The following GRID2 variants were observed in gnomAD, a reference collection of about 807,000 sequenced individuals.
The protein encoded by GRID2 is glutamate receptor ionotropic, delta-2.
GRID2 carries 33 observed loss-of-function variants against 114.8 expected under a neutral mutation model. The observed-to-expected ratio is 0.29, with a 90% CI of 0.22 to 0.38. GRID2 has a LOEUF of 0.38. Ranked by LOEUF, GRID2 falls within the 10% of genes least tolerant of loss-of-function variation. The pLI is 1.00. For missense variants in GRID2, 1,184 were observed against 1,257.7 expected, an observed-to-expected ratio of 0.94 and a Z score of 0.89; for synonymous variants, 505 against 449.9, an observed-to-expected ratio of 1.12 and a Z score of -1.55.
intron 2 of GRID2, among the ~76,000 whole-genome samples, chr4:92,723,051 T>C (rs1735886565): frequency 6.6e-6 from 1 of 151,978 alleles, no homozygotes; most frequent in Admixed American, 6.6e-5. Flanking sequence ...TCTGCATGTG[T>C]ACTTTTTTTT....
chr4:92,934,651 C>T (rs1383367139), intron 2 of GRID2, among the ~76,000 whole-genome samples: 2 of 146,518 alleles, frequency 1.4e-5, no homozygotes, highest in African/African-American at 4.9e-5. Context: ...TACAAGGCTA[C>T]AGTAACCAAA....
At chr4:92,556,420 G>C (rs1726852178) in intron 1 of GRID2, among the ~76,000 whole-genome samples, 1 of 151,942 alleles carries the variant, frequency 6.6e-6, no homozygotes, top group Non-Finnish European at 1.5e-5. Context: ...TTTTTTATTT[G>C]AGATGAAAGG....
intron 2 of GRID2, among the ~76,000 whole-genome samples, chr4:92,717,300 G>T (rs1418545613): frequency 6.6e-6 from 1 of 152,078 alleles, no homozygotes; most frequent in Admixed American, 6.6e-5. Context: ...GCTCCCAAGG[G>T]CCACTTGTAT....
chr4:93,273,996 G>A (rs912527283), intron 8 of GRID2, among the ~76,000 whole-genome samples: 13 of 152,034 alleles, frequency 8.6e-5, no homozygotes, highest in African/African-American at 2.9e-4. Context: ...AGAATCTGCC[G>A]ATATTATAAT....
chr4:92,933,808 T>C (rs184448205), intron 2 of GRID2, among the ~76,000 whole-genome samples: 3 of 151,704 alleles, frequency 2.0e-5, no homozygotes, highest in Non-Finnish European at 3.0e-5. Context: ...TTCTAATTAT[T>C]TTATCTTTGA....
chr4:92,927,456 A>C (rs1385605957), intron 2 of GRID2, among the ~76,000 whole-genome samples: 1 of 151,846 alleles, frequency 6.6e-6, no homozygotes, highest in South Asian at 2.1e-4. Context: ...CAATTCCCAC[A>C]GGGTAGCACA....
chr4:92,544,539 T>C (rs1022236672), intron 1 of GRID2, among the ~76,000 whole-genome samples: 1 of 152,138 alleles, frequency 6.6e-6, no homozygotes, highest in Non-Finnish European at 1.5e-5. Context: ...TCAATGCTTT[T>C]AATTGATTTT....
At chr4:92,534,592 A>G (rs1260755519) in intron 1 of GRID2, among the ~76,000 whole-genome samples, 2 of 152,122 alleles carry the variant, frequency 1.3e-5, no homozygotes, top group Admixed American at 6.6e-5. Flanking sequence ...AAGTGTTACT[A>G]TGTTCTCTAA....
At chr4:92,789,618 T>A (rs1391028437) in intron 2 of GRID2, among the ~76,000 whole-genome samples, 1 of 151,946 alleles carries the variant, frequency 6.6e-6, no homozygotes, top group African/African-American at 2.4e-5. Context: ...AAATGTGTAT[T>A]TGACTTTTAG....
chr4:92,899,174 AATTT>A lies in GRID2; in HGVS notation c.245-185818_245-185815del, dbSNP rs535415705. ...ACACGTTAATTTTAATAATAGGAGT[AATTT>A]ATACTTTATATAATCTATAAACATT... is the stretch of plus-strand genomic sequence containing the variant. On this transcript the variant is annotated intron_variant, in intron 2 of 15. Transcript: ENST00000282020. 3.9e-3 allele frequency among the ~76,000 whole-genome samples: 587 copies of A among 152,204 alleles called. 2 individuals are homozygous for A. The highest frequency in any genetic ancestry group is 5.9e-3 in the Non-Finnish European group (398 of 67,970).
chr4:93,191,882 G>T (rs193232591), intron 4 of GRID2, among the ~76,000 whole-genome samples: 1 of 152,096 alleles, frequency 6.6e-6, no homozygotes, highest in Non-Finnish European at 1.5e-5. Flanking sequence ...TCTGCAATAT[G>T]TTCTGGAAAA....
intron 1 of GRID2, among the ~76,000 whole-genome samples, chr4:92,446,559 G>C (rs1406241994): frequency 1.3e-5 from 2 of 152,180 alleles, no homozygotes; most frequent in African/African-American, 4.8e-5. Flanking sequence ...AAAGTTCTCT[G>C]ATATGGGAGA....
chr4:93,474,491 A>G (rs1366842595), intron 11 of GRID2, among the ~76,000 whole-genome samples: 1 of 152,130 alleles, frequency 6.6e-6, no homozygotes, highest in Non-Finnish European at 1.5e-5. Context: ...TTATAGACAA[A>G]CTCTTATTCT....
At chr4:93,545,995 G>C (rs1057360721) in intron 13 of GRID2, among the ~76,000 whole-genome samples, 2 of 152,168 alleles carry the variant, frequency 1.3e-5, no homozygotes, top group African/African-American at 4.8e-5. Flanking sequence ...TATACCTAAA[G>C]AGATGTGGTT....
At position 92,507,415 on chromosome 4, in the gene GRID2, TTGTG is replaced by T. The variant is rs70940902; in HGVS notation, c.89-82694_89-82691del. 3.8e-4 allele frequency among the ~76,000 whole-genome samples: 56 copies of T among 149,318 alleles called. 1 individual carries two copies. The South Asian group carries it at 4.5e-3, about 12-fold the overall frequency. ...TACTAATGTGCTTTCTCGTGTATAA[TTGTG>T]TGTGTGTGTGTGTGTGTGTGTTTGT... On this transcript the variant is annotated intron_variant, in intron 1 of 15. Transcript: ENST00000282020.
chr4:93,301,274 A>G lies in GRID2; in HGVS notation c.1245+62784A>G, dbSNP rs572373449. On this transcript the variant is annotated intron_variant, in intron 8 of 15. Transcript: ENST00000282020. Reference sequence around the variant, plus strand: ...CCAAATAAGCTCTTTTTGACATACCATTTATCAATTTATCTAAACTAGTCT... The same window carrying G: ...CCAAATAAGCTCTTTTTGACATACCGTTTATCAATTTATCTAAACTAGTCT... Among the ~76,000 whole-genome samples the G allele has an allele frequency of 2.6e-5, 4 of 152,276 alleles. No individual in the cohort carries two copies. The East Asian group carries it at 7.7e-4, about 29-fold the overall frequency.
At chr4:92,556,059 C>T (rs1450810562) in intron 1 of GRID2, among the ~76,000 whole-genome samples, 1 of 152,148 alleles carries the variant, frequency 6.6e-6, no homozygotes, top group African/African-American at 2.4e-5. Flanking sequence ...GAGATGTAAT[C>T]TCCAGGGAAA....
chr4:93,431,221 T>C (rs1266108927), intron 10 of GRID2, among the ~76,000 whole-genome samples: 5 of 151,794 alleles, frequency 3.3e-5, no homozygotes, highest in African/African-American at 1.2e-4. Flanking sequence ...ATAGGGTGAG[T>C]TGGATATGTA....
At chr4:93,231,951 G>A (rs955147347) in intron 7 of GRID2, among the ~76,000 whole-genome samples, 1 of 152,058 alleles carries the variant, frequency 6.6e-6, no homozygotes. Flanking sequence ...CATCTTAATG[G>A]AAATTTCAAA....
Sources: gnomAD v4.1 joint callset for allele counts (sites outside exome capture counted in the v4.1 genomes callset) on GRCh38, gnomAD v4.1.1 for gene constraint, MANE v1.5 for transcripts, NCBI Gene and HGNC (gene_info 2026-07-23, HGNC 2026-07-21) for gene names.